Variants in UNC13C observed in about 807,000 individuals in gnomAD.
UNC13C encodes the protein protein unc-13 homolog C.
Under a neutral mutation model 245.4 loss-of-function variants are expected in UNC13C, and 174 were observed. The observed-to-expected ratio is 0.71, with a 90% CI of 0.63 to 0.80. The LOEUF (loss-of-function observed/expected upper bound fraction) is 0.80, where lower values mean the gene tolerates loss of function less well. UNC13C is among the 30% of genes least tolerant of loss of function. The probability of loss-of-function intolerance (pLI) is 0.00; values close to 1 mark genes in which losing one functional copy is unlikely to be tolerated. For synonymous variants in UNC13C, 992 were observed against 895.1 expected (o/e 1.11, Z -1.93); for missense variants, 2,829 against 2,602.9 (o/e 1.09, Z -1.89).
At chr15:54,093,374 A>G (rs2141139883) in intron 2 of UNC13C, among the ~76,000 whole-genome samples, 1 of 152,300 alleles carries the variant, frequency 6.6e-6, no homozygotes, top group East Asian at 1.9e-4. Flanking sequence ...CTGAACAGTT[A>G]AATTAGTTGT....
At chr15:54,611,856 TTAATC>T (rs1451679869) in intron 30 of UNC13C, among the ~76,000 whole-genome samples, 2 of 152,126 alleles carry the variant, frequency 1.3e-5, no homozygotes, top group African/African-American at 4.8e-5. Context: ...TTTTTGTAAT[TTAATC>T]TTATTTTAAA....
chr15:54,425,617 G>T (rs530611715), intron 19 of UNC13C, among the ~76,000 whole-genome samples: 1 of 151,914 alleles, frequency 6.6e-6, no homozygotes, highest in Admixed American at 6.6e-5. Flanking sequence ...AGTTAGTCTA[G>T]ATCAGTGGCC....
rs1567289129 is a variant in UNC13C at position 54,455,210 on chromosome 15, T to TCTCTCC, written c.4934-39398_4934-39397insCTCTCC. On this transcript the variant is annotated intron_variant, in intron 19 of 32. Transcript: ENST00000260323. Reference sequence around the variant, plus strand: ...CTCTCTCTCTCTCTCTCTCTCTATATATATATATATATATATATATATATA... The same window carrying TCTCTCC: ...CTCTCTCTCTCTCTCTCTCTCTATATCTCTCCATATATATATATATATATATATATA... Among the ~76,000 whole-genome samples, 10 of 61,616 alleles carry TCTCTCC rather than the reference T, an allele frequency of 1.6e-4. 1 individual carries two copies. The highest frequency in any genetic ancestry group is 7.2e-4 in the African/African-American group (10 of 13,798). The allele number at this position is 61,616 out of a possible 152,430, so 40.4% of individuals were successfully genotyped here.
intron 10 of UNC13C, among the ~76,000 whole-genome samples, chr15:54,272,124 G>T (rs2036702929): frequency 6.6e-6 from 1 of 152,168 alleles, no homozygotes. Flanking sequence ...TGTGCTAAAA[G>T]TTATTCCCCA....
intron 1 of UNC13C, among the ~76,000 whole-genome samples, chr15:54,003,016 C>A (rs765541027): frequency 6.6e-6 from 1 of 151,298 alleles, no homozygotes; most frequent in Non-Finnish European, 1.5e-5. Flanking sequence ...ATGCTGTGTA[C>A]AATTTGAGGA....
intron 2 of UNC13C, among the ~76,000 whole-genome samples, chr15:54,114,181 T>G (rs2030044507): frequency 6.6e-6 from 1 of 152,180 alleles, no homozygotes; most frequent in Non-Finnish European, 1.5e-5. Context: ...TATAGATTAT[T>G]TTCTGCAGTC....
chr15:53,862,016 C>T, the UNC13C span, among the ~76,000 whole-genome samples: 3 of 152,076 alleles, frequency 2.0e-5, no homozygotes, highest in Non-Finnish European at 4.4e-5. Context: ...TATTAGTCTG[C>T]TTGGGCTGCT....
chr15:54,234,968 A>T (rs970207377), intron 4 of UNC13C, 62 bp from the exon 5 acceptor site: 3 of 1,412,134 alleles, frequency 2.1e-6, no homozygotes, highest in Non-Finnish European at 3.0e-6. Flanking sequence ...TGAACAGTGG[A>T]TGTTTTTCTT....
the UNC13C span, among the ~76,000 whole-genome samples, chr15:53,871,968 T>G: frequency 6.6e-6 from 1 of 152,198 alleles, no homozygotes; most frequent in Non-Finnish European, 1.5e-5. Context: ...GTTAGAATGC[T>G]CCTGCAGTGT....
chr15:54,272,128 T>C (rs1188503013), intron 10 of UNC13C, among the ~76,000 whole-genome samples: 2 of 152,220 alleles, frequency 1.3e-5, no homozygotes, highest in Non-Finnish European at 2.9e-5. Flanking sequence ...CTAAAAGTTA[T>C]TCCCCATCTT....
Position 54,011,361 on chromosome 15 carries a change from A to G in UNC13C, c.-256-1287A>G, listed in dbSNP as rs568032527. Among the ~76,000 whole-genome samples, 23 of 152,366 alleles carry G rather than the reference A, an allele frequency of 1.5e-4. No individual in the cohort carries two copies. The South Asian group carries it at 4.3e-3, about 29-fold the overall frequency. ...ATTTAGATTTGAAAACATCAGAGGC[A>G]TTAACAGAATTGCTACTTTGATTTA... On this transcript the variant is annotated intron_variant, in intron 1 of 32. Transcript: ENST00000260323.
chr15:54,111,890 A>T (rs941607470), intron 2 of UNC13C, among the ~76,000 whole-genome samples: 1 of 152,106 alleles, frequency 6.6e-6, no homozygotes, highest in African/African-American at 2.4e-5. Flanking sequence ...TGGCATGCAA[A>T]GTCTTTGATA....
chr15:54,116,097 C>T (rs1189226640), intron 2 of UNC13C, among the ~76,000 whole-genome samples: 1 of 151,730 alleles, frequency 6.6e-6, no homozygotes, highest in African/African-American at 2.4e-5. Context: ...CTTTTTTCTC[C>T]TTGCCCGCCC....
chr15:54,113,209 AGAG>A (rs1230713248), intron 2 of UNC13C, among the ~76,000 whole-genome samples: 1 of 152,158 alleles, frequency 6.6e-6, no homozygotes, highest in Non-Finnish European at 1.5e-5. Flanking sequence ...GTTAAGCAAA[AGAG>A]AGATAGAGAA....
chr15:53,891,480 A>C, the UNC13C span, among the ~76,000 whole-genome samples: 10 of 152,158 alleles, frequency 6.6e-5, no homozygotes, highest in Non-Finnish European at 1.3e-4. Flanking sequence ...GTCTCCCACT[A>C]TCATTGTGTG....
At chr15:54,507,395 A>G (rs867000179) in intron 23 of UNC13C, among the ~76,000 whole-genome samples, 8 of 152,076 alleles carry the variant, frequency 5.3e-5, no homozygotes, top group African/African-American at 1.9e-4. Flanking sequence ...GAGTGTCTCA[A>G]TGCCAGCCAA....
intron 10 of UNC13C, among the ~76,000 whole-genome samples, chr15:54,277,988 A>C (rs2036877534): frequency 6.6e-6 from 1 of 152,148 alleles, no homozygotes; most frequent in Non-Finnish European, 1.5e-5. Flanking sequence ...GCACAGTCAG[A>C]GAGAAACAAT....
intron 4 of UNC13C, among the ~76,000 whole-genome samples, chr15:54,156,317 T>G (rs936995181): frequency 6.6e-6 from 1 of 152,180 alleles, no homozygotes; most frequent in Non-Finnish European, 1.5e-5. Flanking sequence ...ACTCATTATC[T>G]TGAGGCTTAG....
At chr15:54,142,951 G>T (rs532195364) in intron 2 of UNC13C, 67 bp from the exon 3 acceptor site, 1 of 1,393,590 alleles carries the variant, frequency 7.2e-7, no homozygotes, top group African/African-American at 1.4e-5. Context: ...TCATGTATAT[G>T]TTTAAACAAT....
Sources: allele counts gnomAD v4.1 joint callset (sites outside exome capture counted in the v4.1 genomes callset), GRCh38; gene constraint gnomAD v4.1.1; transcripts MANE v1.5; gene names NCBI Gene and HGNC (gene_info 2026-07-23, HGNC 2026-07-21).